PPP2R2C: variants seen among roughly 807,000 people sequenced by gnomAD.
The protein encoded by PPP2R2C is protein phosphatase 2 regulatory subunit Bgamma, also known as protein phosphatase 2, regulatory subunit B, gamma.
A neutral mutation model predicts 45.3 loss-of-function variants in PPP2R2C; 10 were observed. The observed-to-expected ratio is 0.22, with a 90% CI of 0.14 to 0.37. The LOEUF is 0.37. Ranked by LOEUF, PPP2R2C falls within the 10% of genes least tolerant of loss-of-function variation. PPP2R2C has a pLI of 1.00. For synonymous variants in PPP2R2C, 257 were observed against 245.4 expected (o/e 1.05, Z -0.44); for missense variants, 308 against 619.7 (o/e 0.50, Z 5.34).
intron 1 of PPP2R2C, among the ~76,000 whole-genome samples, chr4:6,561,572 AT>A (rs1308881834): frequency 6.6e-6 from 1 of 152,116 alleles, no homozygotes; most frequent in Non-Finnish European, 1.5e-5. Context: ...TCATTTTGCA[AT>A]TTTTTTATTC....
At chr4:6,509,648 C>G (rs1723363152) in intron 2 of PPP2R2C, among the ~76,000 whole-genome samples, 1 of 152,212 alleles carries the variant, frequency 6.6e-6, no homozygotes, top group African/African-American at 2.4e-5. Context: ...AGAGCTCAAC[C>G]CTGCCCTTGT....
intron 1 of PPP2R2C, among the ~76,000 whole-genome samples, chr4:6,540,682 G>A (rs768381615): frequency 3.3e-5 from 5 of 152,330 alleles, no homozygotes; most frequent in East Asian, 1.9e-4. Flanking sequence ...ACCATTTCAC[G>A]TTCCCACCAC....
intron 1 of PPP2R2C, among the ~76,000 whole-genome samples, chr4:6,418,624 C>T (rs1034368222): frequency 2.6e-5 from 4 of 152,362 alleles, no homozygotes; most frequent in East Asian, 3.9e-4. Flanking sequence ...AGCTGCTCTT[C>T]CCAAGCCATC....
intron 1 of PPP2R2C, among the ~76,000 whole-genome samples, chr4:6,434,623 T>G (rs929828258): frequency 6.6e-6 from 1 of 152,134 alleles, no homozygotes; most frequent in Non-Finnish European, 1.5e-5. Context: ...CCTCCCAAAG[T>G]GCTGGGATTA....
At position 6,378,574 on chromosome 4, in the gene PPP2R2C, T is replaced by C. The variant is rs1349722815; in HGVS notation, c.169-2A>G. The stretch of plus-strand genomic sequence containing the variant: ...CTGGCTGTGGGGCGCATTTTTACTC[T>C]GCAGGGAAACCCGGAGAAGGGGCCT... On this transcript the variant is annotated splice_acceptor_variant, in intron 2 of 8. Coordinates refer to ENST00000382599, the MANE Select transcript of PPP2R2C (RefSeq NM_020416.4). LOFTEE classifies it high-confidence loss of function. This position sits in a 1 kb window ranked among gnomAD's most constrained non-coding sequence, Gnocchi z 5.2. The C allele has an allele frequency of 6.2e-7, 1 of 1,611,660 alleles. No homozygotes were observed. The highest frequency in any genetic ancestry group is 1.7e-5 in the Admixed American group (1 of 59,864).
At chr4:6,362,089 G>A (rs1713807508) in intron 5 of PPP2R2C, among the ~76,000 whole-genome samples, 1 of 152,098 alleles carries the variant, frequency 6.6e-6, no homozygotes, top group South Asian at 2.1e-4. Context: ...AGGTGTGAGA[G>A]GCTGGGTGGC....
chr4:6,521,342 A>G (rs1422144070), intron 2 of PPP2R2C, among the ~76,000 whole-genome samples: 1 of 151,972 alleles, frequency 6.6e-6, no homozygotes, highest in African/African-American at 2.4e-5. Flanking sequence ...TTAGACACGC[A>G]CTCTTTACCA....
intron 1 of PPP2R2C, among the ~76,000 whole-genome samples, chr4:6,452,916 A>G (rs899634007): frequency 1.3e-5 from 2 of 152,160 alleles, no homozygotes; most frequent in Non-Finnish European, 2.9e-5. Flanking sequence ...CCTACTGTCT[A>G]GAAGGGCTGC....
At chr4:6,493,602 G>C (rs1193161331) in intron 2 of PPP2R2C, among the ~76,000 whole-genome samples, 4 of 150,958 alleles carry the variant, frequency 2.6e-5, no homozygotes, top group African/African-American at 9.8e-5. Context: ...TCGATCTAGT[G>C]CAAAATGAAA....
intron 1 of PPP2R2C, among the ~76,000 whole-genome samples, chr4:6,459,784 C>G (rs1483290026): frequency 6.6e-6 from 1 of 151,780 alleles, no homozygotes; most frequent in Non-Finnish European, 1.5e-5. Context: ...AAGCCTCTGT[C>G]ACACACACAC....
chr4:6,402,945 C>A (rs1175071426), intron 1 of PPP2R2C, among the ~76,000 whole-genome samples: 4 of 152,200 alleles, frequency 2.6e-5, no homozygotes, highest in Admixed American at 2.6e-4. Context: ...TGAAGGCCTG[C>A]CAAGAAAGAC....
At chr4:6,370,655 AAC>A (rs1191034889) in intron 5 of PPP2R2C, among the ~76,000 whole-genome samples, 1 of 152,158 alleles carries the variant, frequency 6.6e-6, no homozygotes, top group African/African-American at 2.4e-5. Context: ...CTGAGATTGA[AAC>A]ACAGAAGACA....
intron 1 of PPP2R2C, among the ~76,000 whole-genome samples, chr4:6,443,479 C>T (rs1037963335): frequency 5.9e-5 from 9 of 152,220 alleles, no homozygotes; most frequent in Non-Finnish European, 1.2e-4. Flanking sequence ...GAAGCCAGAC[C>T]ACCCCGGCGT....
At chr4:6,554,934 A>AAG (rs1560620308) in intron 1 of PPP2R2C, among the ~76,000 whole-genome samples, 6,086 of 74,200 alleles carry the variant, frequency 0.082, 281 homozygotes, top group Middle Eastern at 0.13. Context: ...AAGGAAGGAA[A>AAG]GAAAGAAAGA....
At chr4:6,359,635 A>AG (rs1713549156) in intron 5 of PPP2R2C, among the ~76,000 whole-genome samples, 1 of 151,362 alleles carries the variant, frequency 6.6e-6, no homozygotes, top group Non-Finnish European at 1.5e-5. Context: ...AAAAAAAAAA[A>AG]AAAGAAACTC....
intron 1 of PPP2R2C, among the ~76,000 whole-genome samples, chr4:6,417,840 G>C (rs765944283): frequency 6.6e-6 from 1 of 152,216 alleles, no homozygotes; most frequent in African/African-American, 2.4e-5. Context: ...CAGCCATCAG[G>C]AAAGCCTCAG....
upstream of PPP2R2C, among the ~76,000 whole-genome samples, chr4:6,475,904 G>C (rs1195532239): frequency 6.6e-6 from 1 of 152,196 alleles, no homozygotes; most frequent in Non-Finnish European, 1.5e-5. Context: ...GTTAGACAAG[G>C]CCATGAGGGT....
At chr4:6,503,405 A>C (rs915647092) in intron 2 of PPP2R2C, among the ~76,000 whole-genome samples, 3 of 152,162 alleles carry the variant, frequency 2.0e-5, no homozygotes, top group African/African-American at 4.8e-5. Flanking sequence ...CCCATTGCCC[A>C]GTTGCCTCCC....
chr4:6,381,087 G>A lies in PPP2R2C; in HGVS notation c.78C>T (p.Ile26=), dbSNP rs745646342. The A allele has an allele frequency of 5.0e-6, 8 of 1,586,908 alleles. No homozygotes were observed. The South Asian group carries it at 9.2e-5, about 18-fold the overall frequency. The change falls in exon 2 of 9, where the codon ATC becomes ATT. Residue 26 remains isoleucine, a synonymous_variant. Coordinates refer to ENST00000382599, the MANE Select transcript of PPP2R2C (RefSeq NM_020416.4). ...RDHSYVTEAD[I]ISTVEFNHTG... ...TGTGGTTGAACTCAACGGTAGAGAT[G>A]ATGTCAGCTGGGAGGGGAACAGCAA...
Sources: allele counts gnomAD v4.1 joint callset (sites outside exome capture counted in the v4.1 genomes callset), GRCh38; gene constraint gnomAD v4.1.1; non-coding constraint Gnocchi (gnomAD v3.1); transcripts MANE v1.5; gene names NCBI Gene and HGNC (gene_info 2026-07-23, HGNC 2026-07-21).